TAFA2: variants seen among roughly 807,000 people sequenced by gnomAD.
The protein encoded by TAFA2 is chemokine-like protein TAFA-2.
In TAFA2, 7 loss-of-function variants were observed where a neutral mutation model predicts 18.8. The ratio of observed to expected loss-of-function variants is 0.37; its 90% CI spans 0.21 to 0.70. TAFA2 has a LOEUF of 0.70. TAFA2 is among the 30% of genes least tolerant of loss of function. TAFA2 has a pLI of 0.53. For missense variants in TAFA2, 122 were observed against 158.1 expected (o/e 0.77, Z 1.23); for synonymous variants, 60 against 54.2 (o/e 1.11, Z -0.47).
chr12:62,045,988 A>C (rs769405053), intron 1 of TAFA2, among the ~76,000 whole-genome samples: 1 of 152,164 alleles, frequency 6.6e-6, no homozygotes, highest in Non-Finnish European at 1.5e-5. Flanking sequence ...ATCCAAAAGA[A>C]ATTCTGAGGG....
chr12:61,895,431 A>G (rs1875799885), intron 1 of TAFA2, among the ~76,000 whole-genome samples: 1 of 152,124 alleles, frequency 6.6e-6, no homozygotes, highest in African/African-American at 2.4e-5. Context: ...TCACACACTA[A>G]AAAAGTGAAA....
intron 2 of TAFA2, among the ~76,000 whole-genome samples, chr12:61,829,474 T>C (rs945280388): frequency 4.6e-5 from 7 of 151,772 alleles, no homozygotes; most frequent in African/African-American, 1.2e-4. Context: ...ATATACTTTA[T>C]ATATTGAACA....
chr12:61,830,955 A>C (rs1281932832), intron 2 of TAFA2, among the ~76,000 whole-genome samples: 1 of 152,094 alleles, frequency 6.6e-6, no homozygotes, highest in Non-Finnish European at 1.5e-5. Flanking sequence ...CATTTTATTC[A>C]TATCAATTCC....
intron 1 of TAFA2, among the ~76,000 whole-genome samples, chr12:62,136,559 T>A (rs1292222571): frequency 6.6e-6 from 1 of 152,164 alleles, no homozygotes; most frequent in African/African-American, 2.4e-5. Context: ...TAATTCACAA[T>A]GGCAGTTAAG....
At chr12:62,012,291 A>C (rs1391955902) in intron 1 of TAFA2, among the ~76,000 whole-genome samples, 2 of 152,190 alleles carry the variant, frequency 1.3e-5, no homozygotes, top group Admixed American at 6.5e-5. Flanking sequence ...GAAATATAGA[A>C]AACAAAACAT....
At chr12:62,242,629 T>C (rs1490429853) in intron 1 of TAFA2, 1 of 152,372 alleles carries the variant, frequency 6.6e-6, no homozygotes, top group African/African-American at 2.4e-5. Context: ...TGACAAGATG[T>C]AGATAAGCTA....
chr12:61,878,420 G>A lies in TAFA2; in HGVS notation c.-1-10994C>T, dbSNP rs901645752. Among the ~76,000 whole-genome samples, 8 of 152,076 alleles carry A rather than the reference G, an allele frequency of 5.3e-5. No individual in the cohort carries two copies. In the South Asian group the frequency reaches 8.3e-4, roughly 16 times the overall value. On this transcript the variant is annotated intron_variant, in intron 1 of 4. Transcript: ENST00000416284. Reference sequence around the variant, plus strand: ...CATATAACCTACATTTATTTTCTTCGTGGCACTGAACAGTATTTGAAATAG... The same window carrying A: ...CATATAACCTACATTTATTTTCTTCATGGCACTGAACAGTATTTGAAATAG...
At chr12:61,849,433 C>T (rs1387057015) in intron 2 of TAFA2, among the ~76,000 whole-genome samples, 1 of 152,192 alleles carries the variant, frequency 6.6e-6, no homozygotes, top group Non-Finnish European at 1.5e-5. Context: ...GAGTGATCAT[C>T]TAAGCACTCA....
At chr12:61,749,313 ACTACTCATTC>A (rs1868895541) in intron 4 of TAFA2, among the ~76,000 whole-genome samples, 1 of 151,900 alleles carries the variant, frequency 6.6e-6, no homozygotes, top group Admixed American at 6.6e-5. Flanking sequence ...ATAACTGTAC[ACTACTCATTC>A]CTCCATTCAA....
At chr12:62,123,351 G>A (rs984602796) in intron 1 of TAFA2, among the ~76,000 whole-genome samples, 3 of 151,920 alleles carry the variant, frequency 2.0e-5, no homozygotes, top group Non-Finnish European at 4.4e-5. Context: ...TCAGATGTAG[G>A]TGCACACACA....
intron 1 of TAFA2, among the ~76,000 whole-genome samples, chr12:62,082,146 G>C (rs960974776): frequency 6.6e-6 from 1 of 152,106 alleles, no homozygotes; most frequent in Admixed American, 6.6e-5. Flanking sequence ...TGGCTGCCTA[G>C]TATTCTATGA....
intron 4 of TAFA2, among the ~76,000 whole-genome samples, chr12:61,721,703 C>G (rs553405007): frequency 6.6e-6 from 1 of 152,278 alleles, no homozygotes; most frequent in South Asian, 2.1e-4. Context: ...TGCCTGTTAT[C>G]CCAACACTTT....
chr12:62,249,965 T>A (rs569733201), intron 1 of TAFA2, among the ~76,000 whole-genome samples: 1 of 152,282 alleles, frequency 6.6e-6, no homozygotes, highest in East Asian at 1.9e-4. Context: ...AATGTCTTAG[T>A]CCATTTAGTG....
chr12:62,112,778 T>C (rs184948541), intron 1 of TAFA2, among the ~76,000 whole-genome samples: 122 of 152,250 alleles, frequency 8.0e-4, no homozygotes, highest in African/African-American at 2.8e-3. Context: ...AATTTGGCTA[T>C]TGATATTTGT....
intron 4 of TAFA2, among the ~76,000 whole-genome samples, chr12:61,725,233 T>C (rs889412926): frequency 3.9e-5 from 6 of 152,176 alleles, no homozygotes; most frequent in Admixed American, 3.3e-4. Flanking sequence ...CTCTGTGGGT[T>C]GTCTGTTTAC....
intron 2 of TAFA2, among the ~76,000 whole-genome samples, chr12:61,865,492 G>A (rs941855301): frequency 6.6e-6 from 1 of 152,168 alleles, no homozygotes; most frequent in African/African-American, 2.4e-5. Context: ...ATTGGTGGCA[G>A]TGTGGAAAGG....
intron 4 of TAFA2, among the ~76,000 whole-genome samples, chr12:61,737,763 A>T (rs1868327993): frequency 6.6e-6 from 1 of 152,036 alleles, no homozygotes; most frequent in African/African-American, 2.4e-5. Flanking sequence ...TATTTGCTTA[A>T]AATTATCATT....
At chr12:61,976,440 A>G (rs1403871562) in intron 1 of TAFA2, among the ~76,000 whole-genome samples, 1 of 151,974 alleles carries the variant, frequency 6.6e-6, no homozygotes, top group Admixed American at 6.6e-5. Context: ...CAATTTTATA[A>G]TGAACTCTCC....
At chr12:61,789,691 T>TA (rs1344271624) in intron 2 of TAFA2, among the ~76,000 whole-genome samples, 2 of 151,610 alleles carry the variant, frequency 1.3e-5, no homozygotes, top group Non-Finnish European at 2.9e-5. Context: ...AAAGTATAAT[T>TA]AAAAAAATAA....
Sources: allele counts gnomAD v4.1 joint callset (sites outside exome capture counted in the v4.1 genomes callset), GRCh38; gene constraint gnomAD v4.1.1; transcripts MANE v1.5; gene names NCBI Gene and HGNC (gene_info 2026-07-23, HGNC 2026-07-21).